PPIP5K2: variants seen among roughly 807,000 people sequenced by gnomAD.
PPIP5K2 encodes the protein inositol hexakisphosphate and diphosphoinositol-pentakisphosphate kinase 2.
In PPIP5K2, 105 loss-of-function variants were observed where a neutral mutation model predicts 154.6. The observed-to-expected ratio is 0.68, with a 90% confidence interval of 0.58 to 0.80. The LOEUF is 0.80. PPIP5K2 is among the 30% of genes least tolerant of loss of function. The pLI is 0.00. For synonymous variants in PPIP5K2, 480 were observed against 490.3 expected (o/e 0.98, Z 0.28); for missense variants, 992 against 1,504.6 (o/e 0.66, Z 5.64).
At chr5:103,121,081 C>T (rs1554198844) in intron 1 of PPIP5K2, among the ~76,000 whole-genome samples, 1 of 152,002 alleles carries the variant, frequency 6.6e-6, no homozygotes. Flanking sequence ...TTGACCACTT[C>T]CTGGGAGATT....
intron 5 of PPIP5K2, among the ~76,000 whole-genome samples, chr5:103,142,754 CG>C (rs1793033520): frequency 7.1e-6 from 1 of 139,908 alleles, no homozygotes; most frequent in Admixed American, 7.5e-5. Context: ...CCAGCCTGGG[CG>C]AGTGAGCAAG....
At chr5:103,197,052 A>G (rs1802198731) in intron 30 of PPIP5K2, among the ~76,000 whole-genome samples, 1 of 152,206 alleles carries the variant, frequency 6.6e-6, no homozygotes, top group African/African-American at 2.4e-5. Flanking sequence ...AGATAGAAAA[A>G]TGCTGACAAA....
chr5:103,147,523 A>G (rs1317201324), intron 6 of PPIP5K2, among the ~76,000 whole-genome samples: 7 of 151,984 alleles, frequency 4.6e-5, no homozygotes, highest in African/African-American at 1.7e-4. Flanking sequence ...GTTGGGACAC[A>G]TAAGAATGTT....
intron 14 of PPIP5K2, among the ~76,000 whole-genome samples, chr5:103,157,046 G>A (rs1157451209): frequency 1.3e-5 from 2 of 151,878 alleles, no homozygotes; most frequent in Admixed American, 1.3e-4. Context: ...TAAAAAGTTA[G>A]GTAACTAACT....
chr5:103,190,979 ATTT>A lies in PPIP5K2; in HGVS notation c.3491_3493del (p.Ile1164_Ser1165delinsThr). On this transcript the variant is annotated inframe_deletion and splice_region_variant, in exon 29 of 31. Coordinates refer to ENST00000358359, the MANE Select transcript of PPIP5K2 (RefSeq NM_001276277.3). The stretch of plus-strand genomic sequence containing the variant: ...TGACGTTCCACGGAAGACCGCTGAA[ATTT>A]GTAGGAAATTTTTCTTTCATTGTTA... The A allele has an allele frequency of 6.2e-7, 1 of 1,602,770 alleles. No individual in the cohort carries two copies. The highest frequency in any genetic ancestry group is 8.5e-7 in the Non-Finnish European group (1 of 1,176,150).
In PPIP5K2 at chr5:103,203,864, T is replaced by A. The variant is rs1803324424; in HGVS notation, c.*2230T>A. ...AGTCCATTCTCAAATACTAGCAAAT[T>A]TGGGGGGCGTGGTACAGCAATTTTG... On this transcript the variant is annotated 3_prime_UTR_variant, in exon 31 of 31. Transcript: ENST00000358359. 1 of 152,062 alleles carries A rather than the reference T, an allele frequency of 6.6e-6. No individual in the cohort carries two copies. Among genetic ancestry groups the A allele is most frequent in the South Asian group, 2.1e-4 (1 of 4,828 alleles). 9.4% of individuals were successfully genotyped at this position (152,062 alleles called of 1,614,324 possible). A position where few individuals can be genotyped will look rare whatever the true frequency, so the allele number is the denominator to read the frequency against.
At chr5:103,199,337 A>G (rs1398748783) in intron 30 of PPIP5K2, among the ~76,000 whole-genome samples, 3 of 152,004 alleles carry the variant, frequency 2.0e-5, no homozygotes, top group African/African-American at 7.3e-5. Flanking sequence ...TCTGTTGGCA[A>G]CAAATTCTAT....
intron 20 of PPIP5K2, 43 bp from the exon 21 acceptor site, chr5:103,173,815 G>C: frequency 8.0e-7 from 1 of 1,253,924 alleles, no homozygotes; most frequent in Middle Eastern, 1.9e-4. Flanking sequence ...GTGAGTTTTT[G>C]ATTATATGGT....
chr5:103,177,842 A>T, intron 22 of PPIP5K2, 22 bp from the exon 23 acceptor site: 1 of 1,602,994 alleles, frequency 6.2e-7, no homozygotes, highest in Non-Finnish European at 8.5e-7. Context: ...TCATTTTGAA[A>T]ATGTTCTGTC....
chr5:103,187,139 T>C (rs933457811), intron 27 of PPIP5K2, among the ~76,000 whole-genome samples, 175 bp from the exon 28 acceptor site: 5 of 152,216 alleles, frequency 3.3e-5, no homozygotes, highest in African/African-American at 4.8e-5. Context: ...ACTTTTCCTC[T>C]GTCATCAAGC....
chr5:103,125,254 T>C (rs1251306949), intron 1 of PPIP5K2, among the ~76,000 whole-genome samples: 1 of 152,174 alleles, frequency 6.6e-6, no homozygotes, highest in Non-Finnish European at 1.5e-5. Flanking sequence ...AGCCTAGACG[T>C]TGGGATACAA....
intron 3 of PPIP5K2, 131 bp from the exon 4 acceptor site, chr5:103,136,601 T>TAAC (rs1791545151): frequency 1.5e-6 from 1 of 689,046 alleles, no homozygotes; most frequent in Non-Finnish European, 2.6e-6. Flanking sequence ...ATATATTCCA[T>TAAC]ACCTTTTATA....
intron 5 of PPIP5K2, among the ~76,000 whole-genome samples, chr5:103,142,529 T>A (rs1792968506): frequency 6.6e-6 from 1 of 152,134 alleles, no homozygotes; most frequent in Non-Finnish European, 1.5e-5. Flanking sequence ...GCCGCCAAAG[T>A]GGAAGCCCAG....
chr5:103,128,386 C>CTTGT (rs1790069585), intron 1 of PPIP5K2, among the ~76,000 whole-genome samples: 2 of 148,282 alleles, frequency 1.3e-5, no homozygotes, highest in Admixed American at 1.4e-4. Context: ...TCTTATAGTT[C>CTTGT]TTATTTATTT....
At chr5:103,126,065 C>T (rs1388330429) in intron 1 of PPIP5K2, among the ~76,000 whole-genome samples, 2 of 152,192 alleles carry the variant, frequency 1.3e-5, no homozygotes, top group Admixed American at 6.5e-5. Context: ...AAGCATACTT[C>T]TGCTTTAGAG....
Position 103,153,899 on chromosome 5 carries a change from A to T in PPIP5K2, c.1182A>T (p.Pro394=). ...IAVIRHGDRT[P]KQKMKMEVRH... ...TTATACGTCATGGGGATCGAACACC[A>T]AAACAAAAAATGAAAATGGAAGTGA... The change falls in exon 11 of 31, where the codon CCA becomes CCT. Residue 394 remains proline, a synonymous_variant. Coordinates refer to ENST00000358359, the MANE Select transcript of PPIP5K2 (RefSeq NM_001276277.3). The T allele has an allele frequency of 6.2e-7, 1 of 1,608,022 alleles. No individual in the cohort carries two copies. The highest frequency in any genetic ancestry group is 8.5e-7 in the Non-Finnish European group (1 of 1,176,848).
At chr5:103,137,304 A>T (rs1327234869) in intron 4 of PPIP5K2, among the ~76,000 whole-genome samples, 1 of 151,592 alleles carries the variant, frequency 6.6e-6, no homozygotes, top group Admixed American at 6.6e-5. Context: ...CTGGGATTAC[A>T]GGCGCCCGCC....
At chr5:103,155,870 C>T (rs782472276) in intron 13 of PPIP5K2, 39 bp from the exon 14 acceptor site, 3 of 1,301,080 alleles carry the variant, frequency 2.3e-6, no homozygotes, top group East Asian at 2.3e-5. Flanking sequence ...ATTAGTTTTT[C>T]CCTACATGTT....
chr5:103,166,669 T>C (rs1797162362), intron 17 of PPIP5K2, among the ~76,000 whole-genome samples: 1 of 151,998 alleles, frequency 6.6e-6, no homozygotes, highest in Admixed American at 6.6e-5. Context: ...TTTCTGGAAG[T>C]TCCCCAGTAT....
Sources: gnomAD v4.1 joint callset for allele counts (sites outside exome capture counted in the v4.1 genomes callset) on GRCh38, gnomAD v4.1.1 for gene constraint, MANE v1.5 for transcripts, NCBI Gene and HGNC (gene_info 2026-07-23, HGNC 2026-07-21) for gene names.